Variants in CRACR2A observed in about 807,000 individuals in gnomAD.
The protein encoded by CRACR2A is calcium release activated channel regulator 2A.
Under a neutral mutation model 90.5 loss-of-function variants are expected in CRACR2A, and 79 were observed. That is an observed-to-expected ratio of 0.87 (90% confidence interval 0.73 to 1.05). CRACR2A has a LOEUF of 1.05. Among genes scored for constraint, CRACR2A ranks in the 50% least tolerant of loss-of-function variants. The pLI, the probability that CRACR2A is intolerant of heterozygous loss-of-function variation, is 0.00. For synonymous variants in CRACR2A, 338 were observed against 356.7 expected (o/e 0.95, Z 0.59); for missense variants, 823 against 897.2 (o/e 0.92, Z 1.06).
intron 7 of CRACR2A, among the ~76,000 whole-genome samples, chr12:3,673,100 G>A (rs1169279940): frequency 6.6e-6 from 1 of 152,090 alleles, no homozygotes; most frequent in Non-Finnish European, 1.5e-5. Flanking sequence ...TGCCTTCTGG[G>A]GTGTACTACT....
chr12:3,671,070 A>G (rs1035069032), intron 7 of CRACR2A, among the ~76,000 whole-genome samples: 2 of 152,184 alleles, frequency 1.3e-5, no homozygotes, highest in African/African-American at 2.4e-5. Flanking sequence ...AAATGAGGAC[A>G]AACCACTAAT....
chr12:3,683,544 T>C (rs1024637758), intron 4 of CRACR2A, among the ~76,000 whole-genome samples: 3 of 152,186 alleles, frequency 2.0e-5, no homozygotes, highest in Non-Finnish European at 4.4e-5. Flanking sequence ...CACTCTCAGC[T>C]CCTGCGTCAC....
chr12:3,621,963 G>A (rs938043580), intron 17 of CRACR2A, among the ~76,000 whole-genome samples: 13 of 152,176 alleles, frequency 8.5e-5, no homozygotes, highest in African/African-American at 3.1e-4. Flanking sequence ...CCTGGCCCAA[G>A]GTCATCAGTC....
intron 17 of CRACR2A, among the ~76,000 whole-genome samples, chr12:3,622,908 A>C (rs1025634339): frequency 2.0e-5 from 3 of 152,152 alleles, no homozygotes; most frequent in Non-Finnish European, 4.4e-5. Flanking sequence ...AACGTGGAGA[A>C]AAAAAAATCA....
intron 6 of CRACR2A, among the ~76,000 whole-genome samples, chr12:3,675,555 A>G (rs1282226409): frequency 1.3e-5 from 2 of 152,158 alleles, no homozygotes; most frequent in Non-Finnish European, 2.9e-5. Flanking sequence ...CCCAAATATG[A>G]TATTAAATAA....
At chr12:3,677,661 A>G (rs1945360027) in intron 6 of CRACR2A, among the ~76,000 whole-genome samples, 1 of 152,164 alleles carries the variant, frequency 6.6e-6, no homozygotes, top group Admixed American at 6.5e-5. Context: ...TCCTTGGAGA[A>G]GCTGGGTCAG....
intron 17 of CRACR2A, among the ~76,000 whole-genome samples, chr12:3,624,638 G>C (rs1473509102): frequency 6.6e-6 from 1 of 152,216 alleles, no homozygotes; most frequent in East Asian, 1.9e-4. Context: ...AGAGCTCCTA[G>C]TGTGTGCTGG....
chr12:3,633,710 G>A lies in CRACR2A; in HGVS notation c.1629C>T (p.Asp543=). ...CKEESSPSAP[D]RLFKIVFVGN... is the part of the protein sequence containing the mutation. Reference sequence around the variant, plus strand: ...CCACGAACACAATCTTGAAGAGCCGGTCAGGGGCAGAGGGAGAGCTTTCCT... The same window carrying A: ...CCACGAACACAATCTTGAAGAGCCGATCAGGGGCAGAGGGAGAGCTTTCCT... The change falls in exon 15 of 20, where the codon GAC becomes GAT. Residue 543 remains aspartate, a synonymous_variant. Transcript: ENST00000440314. This position sits in a 1 kb window ranked among gnomAD's most constrained non-coding sequence, Gnocchi z 4.5. 6.4e-7 allele frequency: 1 copy of A among 1,551,738 alleles called. No individual in the cohort carries two copies.
At chr12:3,649,268 A>ATAAAT (rs5796070) in intron 10 of CRACR2A, among the ~76,000 whole-genome samples, 1 of 151,450 alleles carries the variant, frequency 6.6e-6, no homozygotes. Context: ...AAATAAATAA[A>ATAAAT]AAAGAGTTTG....
At chr12:3,662,320 T>C (rs1386101621) in intron 7 of CRACR2A, among the ~76,000 whole-genome samples, 1 of 152,244 alleles carries the variant, frequency 6.6e-6, no homozygotes, top group Non-Finnish European at 1.5e-5. Flanking sequence ...TGCATACCAG[T>C]CATGTCACTA....
At chr12:3,718,425 T>C (rs1359863175) in intron 2 of CRACR2A, among the ~76,000 whole-genome samples, 1 of 152,158 alleles carries the variant, frequency 6.6e-6, no homozygotes, top group African/African-American at 2.4e-5. Context: ...CCAGTTTCCA[T>C]GCCTTGGGGG....
intron 15 of CRACR2A, among the ~76,000 whole-genome samples, chr12:3,629,225 G>A (rs139887293): frequency 3.0e-4 from 46 of 151,432 alleles, no homozygotes; most frequent in Non-Finnish European, 5.0e-4. Context: ...TGCCTTGCCC[G>A]AGCTGGTCGG....
chr12:3,751,194 C>T (rs1157332223), intron 1 of CRACR2A, among the ~76,000 whole-genome samples: 1 of 152,186 alleles, frequency 6.6e-6, no homozygotes. Context: ...ATGAGGTTGT[C>T]AGGAGGATTA....
intron 11 of CRACR2A, among the ~76,000 whole-genome samples, chr12:3,646,115 G>A (rs963588952): frequency 6.6e-6 from 1 of 152,228 alleles, no homozygotes; most frequent in South Asian, 2.1e-4. Context: ...AGGAGCAAGC[G>A]TGAGGATGGA....
At chr12:3,623,358 C>T (rs1431455588) in intron 17 of CRACR2A, among the ~76,000 whole-genome samples, 4 of 152,148 alleles carry the variant, frequency 2.6e-5, no homozygotes, top group East Asian at 1.9e-4. Context: ...GACTCACATG[C>T]CCAGGAATCT....
intron 1 of CRACR2A, among the ~76,000 whole-genome samples, chr12:3,734,808 C>T (rs73247871): frequency 0.16 from 23,859 of 152,026 alleles, 2,074 homozygotes; most frequent in African/African-American, 0.2. Context: ...ATGAGGAATC[C>T]AAAACAATTG....
chr12:3,695,131 G>A (rs760893950), intron 4 of CRACR2A, among the ~76,000 whole-genome samples: 1 of 152,222 alleles, frequency 6.6e-6, no homozygotes, highest in Non-Finnish European at 1.5e-5. Context: ...GAGTTGCACA[G>A]TACTTGTGGC....
intron 17 of CRACR2A, among the ~76,000 whole-genome samples, chr12:3,622,968 C>A (rs929646142): frequency 6.6e-6 from 1 of 152,146 alleles, no homozygotes; most frequent in Non-Finnish European, 1.5e-5. Context: ...TGACAAAGAT[C>A]GCAGAATGAG....
At chr12:3,645,000 T>C (rs1944659290) in intron 11 of CRACR2A, among the ~76,000 whole-genome samples, 1 of 152,198 alleles carries the variant, frequency 6.6e-6, no homozygotes, top group Non-Finnish European at 1.5e-5. Flanking sequence ...GCACCATTCA[T>C]TCATTCATTC....
Sources: gnomAD v4.1 joint callset for allele counts (sites outside exome capture counted in the v4.1 genomes callset) on GRCh38, gnomAD v4.1.1 for gene constraint, Gnocchi (gnomAD v3.1) non-coding constraint, MANE v1.5 for transcripts, NCBI Gene and HGNC (gene_info 2026-07-23, HGNC 2026-07-21) for gene names.